SORBS2: variants seen among roughly 807,000 people sequenced by gnomAD.
SORBS2 encodes the protein sorbin and SH3 domain-containing protein 2.
Under a neutral mutation model 97.7 loss-of-function variants are expected in SORBS2, and 46 were observed. That is an observed-to-expected ratio of 0.47 (90% CI 0.37 to 0.60). The LOEUF (loss-of-function observed/expected upper bound fraction) is 0.60, where lower values mean the gene tolerates loss of function less well. Among genes scored for constraint, SORBS2 ranks in the 20% least tolerant of loss-of-function variants. SORBS2 has a pLI of 0.00. For missense variants in SORBS2, 1,316 were observed against 1,282.3 expected, an observed-to-expected ratio of 1.03 and a Z score of -0.40; for synonymous variants, 476 against 473.4, an observed-to-expected ratio of 1.01 and a Z score of -0.07.
chr4:185,877,930 C>T (rs2099234585), intron 1 of SORBS2, among the ~76,000 whole-genome samples: 1 of 124,788 alleles, frequency 8.0e-6, no homozygotes, highest in Non-Finnish European at 1.8e-5. Context: ...AAAAATAAAG[C>T]AACTCTTTAC....
intron 2 of SORBS2, among the ~76,000 whole-genome samples, chr4:185,723,656 T>A (rs1161415537): frequency 6.6e-6 from 1 of 152,230 alleles, no homozygotes; most frequent in Non-Finnish European, 1.5e-5. Flanking sequence ...AGGGAGTGTG[T>A]CTTATCCATG....
At chr4:185,587,853 C>T in intron 14 of SORBS2, 165 bp from the exon 27 acceptor site, 3 of 602,530 alleles carry the variant, frequency 5.0e-6, no homozygotes, top group South Asian at 2.0e-5. Context: ...ACAAAATAAG[C>T]AGTGTTAGCT....
At chr4:185,828,399 C>G (rs1011573492) in intron 1 of SORBS2, among the ~76,000 whole-genome samples, 1 of 152,016 alleles carries the variant, frequency 6.6e-6, no homozygotes, top group African/African-American at 2.4e-5. Context: ...ACTCTGGGAG[C>G]TGGGTGAGTG....
At chr4:185,822,574 A>G (rs932308999) in intron 1 of SORBS2, among the ~76,000 whole-genome samples, 13 of 152,276 alleles carry the variant, frequency 8.5e-5, no homozygotes, top group Non-Finnish European at 1.9e-4. Flanking sequence ...ACTTTACAAA[A>G]TATGCAAGAA....
intron 1 of SORBS2, among the ~76,000 whole-genome samples, chr4:185,941,459 A>T (rs1201417388): frequency 1.3e-5 from 2 of 152,150 alleles, no homozygotes; most frequent in East Asian, 3.8e-4. Context: ...TTATCTCTGG[A>T]TCCTCTCTGT....
In SORBS2 at chr4:185,601,669, CA is replaced by C. The variant is rs571564460; in HGVS notation, c.2797-7735del. On this transcript the variant is annotated intron_variant, in intron 12 of 14. Transcript: ENST00000418609. ...CCCAGTCTTGACTAATACAGGGGTTCAATGCATATCAGAGCTCTTAGAGAAA... is the reference window on the plus strand; with the variant it reads ...CCCAGTCTTGACTAATACAGGGGTTCATGCATATCAGAGCTCTTAGAGAAA... 1.2e-4 allele frequency among the ~76,000 whole-genome samples: 19 copies of C among 152,046 alleles called. No individual in the cohort carries two copies. The East Asian group carries it at 3.7e-3, about 30-fold the overall frequency.
At chr4:185,650,288 TAG>T (rs1318753076) in intron 2 of SORBS2, among the ~76,000 whole-genome samples, 2 of 152,122 alleles carry the variant, frequency 1.3e-5, no homozygotes, top group African/African-American at 4.8e-5. Context: ...TAAAGGATGC[TAG>T]TAGGTGGTAG....
At chr4:185,952,755 C>CA (rs1561333396) in intron 1 of SORBS2, among the ~76,000 whole-genome samples, 1 of 151,846 alleles carries the variant, frequency 6.6e-6, no homozygotes, top group African/African-American at 2.4e-5. Flanking sequence ...CTCTTCCTGG[C>CA]AAAAAATAAA....
intron 4 of SORBS2, among the ~76,000 whole-genome samples, chr4:185,675,921 T>TG (rs944015816): frequency 1.3e-5 from 2 of 152,088 alleles, no homozygotes; most frequent in Admixed American, 1.3e-4. Context: ...TATGAGTGGG[T>TG]GGGGGGATCT....
chr4:185,954,895 T>C (rs2099278891), intron 1 of SORBS2, among the ~76,000 whole-genome samples: 1 of 152,142 alleles, frequency 6.6e-6, no homozygotes, highest in South Asian at 2.1e-4. Context: ...TAAGTGGCAG[T>C]GAGCAGAGAC....
chr4:185,781,540 T>G, intron 1 of SORBS2, among the ~76,000 whole-genome samples: 1 of 151,500 alleles, frequency 6.6e-6, no homozygotes, highest in African/African-American at 2.4e-5. Flanking sequence ...CAGCCTCCCT[T>G]CCATTGCCTC....
intron 1 of SORBS2, among the ~76,000 whole-genome samples, chr4:185,808,932 C>T (rs2099167937): frequency 6.6e-6 from 1 of 152,076 alleles, no homozygotes; most frequent in African/African-American, 2.4e-5. Context: ...TATTTATATA[C>T]TAAAACATTC....
At chr4:185,786,950 AT>A (rs35546450) in intron 1 of SORBS2, among the ~76,000 whole-genome samples, 23,066 of 99,554 alleles carry the variant, frequency 0.23, 2,566 homozygotes, top group East Asian at 0.52. Flanking sequence ...ATGTTCATCC[AT>A]TTTTTTTTTT....
intron 2 of SORBS2, among the ~76,000 whole-genome samples, chr4:185,711,703 G>T (rs1036329270): frequency 3.9e-5 from 6 of 152,122 alleles, no homozygotes; most frequent in Non-Finnish European, 8.8e-5. Flanking sequence ...TGAGGCAATC[G>T]TAGAGGAATG....
At chr4:185,710,754 G>A (rs2098412119) in intron 2 of SORBS2, among the ~76,000 whole-genome samples, 1 of 152,154 alleles carries the variant, frequency 6.6e-6, no homozygotes, top group Admixed American at 6.5e-5. Context: ...TGGTAACGGT[G>A]GGCACTGGCC....
At chr4:185,949,053 C>T (rs2099275923) in intron 1 of SORBS2, among the ~76,000 whole-genome samples, 1 of 150,734 alleles carries the variant, frequency 6.6e-6, no homozygotes, top group Non-Finnish European at 1.5e-5. Context: ...TCTATGTGTT[C>T]AATGATGCAC....
At chr4:185,762,320 C>T (rs1032742650) in intron 2 of SORBS2, among the ~76,000 whole-genome samples, 1 of 152,134 alleles carries the variant, frequency 6.6e-6, no homozygotes, top group African/African-American at 2.4e-5. Context: ...ACTCAGAAGA[C>T]ATTCAAAGGG....
intron 2 of SORBS2, among the ~76,000 whole-genome samples, chr4:185,714,768 A>C (rs1440204013): frequency 6.6e-6 from 1 of 152,172 alleles, no homozygotes; most frequent in East Asian, 1.9e-4. Context: ...TGTATTCACT[A>C]CCACGAGAAC....
intron 4 of SORBS2, among the ~76,000 whole-genome samples, chr4:185,640,378 T>G (rs1055982701): frequency 1.3e-5 from 2 of 152,242 alleles, no homozygotes; most frequent in Non-Finnish European, 2.9e-5. Flanking sequence ...GTATTGCGAC[T>G]GTTTGTTTTT....
Sources: gnomAD v4.1 joint callset for allele counts (sites outside exome capture counted in the v4.1 genomes callset) on GRCh38, gnomAD v4.1.1 for gene constraint, MANE v1.5 for transcripts, NCBI Gene and HGNC (gene_info 2026-07-23, HGNC 2026-07-21) for gene names.